ZNF385D: variants seen among roughly 807,000 people sequenced by gnomAD.
ZNF385D encodes zinc finger protein 385D, also known as zinc finger protein 659.
Under a neutral mutation model 35.8 loss-of-function variants are expected in ZNF385D, and 15 were observed. The ratio of observed to expected loss-of-function variants is 0.42; its 90% CI spans 0.28 to 0.64. The LOEUF is 0.64. Among genes scored for constraint, ZNF385D ranks in the 30% least tolerant of loss-of-function variants. ZNF385D has a pLI of 0.23. For synonymous variants in ZNF385D, 212 were observed against 186.8 expected, an observed-to-expected ratio of 1.13 and a Z score of -1.10; for missense variants, 474 against 494.6, an observed-to-expected ratio of 0.96 and a Z score of 0.39.
chr3:22,175,779 T>C (rs1005883382), intron 2 of ZNF385D, among the ~76,000 whole-genome samples: 3 of 151,406 alleles, frequency 2.0e-5, no homozygotes, highest in South Asian at 2.1e-4. Flanking sequence ...ATAATGTATA[T>C]AGATTTTATG....
chr3:21,565,427 G>A (rs1021599815), intron 2 of ZNF385D, among the ~76,000 whole-genome samples: 2 of 152,090 alleles, frequency 1.3e-5, no homozygotes, highest in African/African-American at 4.8e-5. Context: ...TGCTCTGGCT[G>A]GAGTGCAGTG....
At chr3:22,039,252 A>G (rs1341720581) in intron 3 of ZNF385D, among the ~76,000 whole-genome samples, 1 of 106,034 alleles carries the variant, frequency 9.4e-6, no homozygotes, top group Non-Finnish European at 2.0e-5. Flanking sequence ...CTATAATCCA[A>G]GCCAAAAAAA....
rs564864547 is a variant in ZNF385D, at chr3:21,995,265, G to A, written c.325+173552C>T. On this transcript the variant is annotated intron_variant, in intron 3 of 5. Coordinates refer to the ZNF385D transcript ENST00000494108. Reference sequence around the variant, plus strand: ...TGTGTCAGGGTGGCCAAGAAGGCATGCATAGGTGCCAGTGGCAAAAGGCCA... The same window carrying A: ...TGTGTCAGGGTGGCCAAGAAGGCATACATAGGTGCCAGTGGCAAAAGGCCA... Among the ~76,000 whole-genome samples, 4 of 152,318 alleles carry A rather than the reference G, an allele frequency of 2.6e-5. No homozygotes were observed. In the South Asian group the frequency reaches 8.3e-4, roughly 32 times the overall value.
intron 3 of ZNF385D, among the ~76,000 whole-genome samples, chr3:21,811,260 C>T (rs563015305): frequency 2.6e-5 from 4 of 152,074 alleles, no homozygotes; most frequent in East Asian, 1.9e-4. Flanking sequence ...ACACCCTGAT[C>T]GCTCAAAATA....
chr3:22,102,508 A>T (rs1008940397), intron 3 of ZNF385D, among the ~76,000 whole-genome samples: 2 of 152,008 alleles, frequency 1.3e-5, no homozygotes, highest in African/African-American at 2.4e-5. Context: ...TTAACTCAAG[A>T]TTTAATCTAA....
intron 2 of ZNF385D, among the ~76,000 whole-genome samples, chr3:22,231,166 A>T (rs572733284): frequency 2.0e-5 from 3 of 152,182 alleles, no homozygotes; most frequent in African/African-American, 7.2e-5. Flanking sequence ...ATAGCCAAAA[A>T]GTGCAATTGT....
At chr3:22,301,189 A>G (rs1702881227) in intron 2 of ZNF385D, among the ~76,000 whole-genome samples, 1 of 152,106 alleles carries the variant, frequency 6.6e-6, no homozygotes, top group Non-Finnish European at 1.5e-5. Flanking sequence ...ACTGAAAGAC[A>G]ACTACTGCAT....
At chr3:22,107,042 T>TTTTTTTTTTTA (rs10688533) in intron 3 of ZNF385D, among the ~76,000 whole-genome samples, 6 of 149,388 alleles carry the variant, frequency 4.0e-5, no homozygotes, top group African/African-American at 1.2e-4. Flanking sequence ...TTTTTTTTTT[T>TTTTTTTTTTTA]AGACAGAGTT....
rs1250892679 is a variant in ZNF385D at position 21,510,972 on chromosome 3, C to T, written c.328G>A (p.Ala110Thr). The stretch of plus-strand genomic sequence containing the variant: ...TGCTTATTTTTCATGGCTTCCAGTG[C>T]TTTGAGCTTCTTGGCATGTTTCGTG... ...KGTKHAKKLK[A>T]LEAMKNKQKS... Residue 110 changes from alanine (A) to threonine (T), a missense_variant, in exon 4 of 8, where the codon GCA (alanine) becomes ACA (threonine). By Grantham distance (58) the Ala-to-Thr change is moderately conservative. Coordinates refer to ENST00000281523, the MANE Select transcript of ZNF385D (RefSeq NM_024697.3). 2 of 1,613,998 alleles carry T rather than the reference C, an allele frequency of 1.2e-6. No homozygotes were observed. The highest frequency in any genetic ancestry group is 2.2e-5 in the East Asian group (1 of 44,890).
chr3:22,000,731 G>A (rs1407550493), intron 3 of ZNF385D, among the ~76,000 whole-genome samples: 1 of 149,578 alleles, frequency 6.7e-6, no homozygotes, highest in Non-Finnish European at 1.5e-5. Context: ...GGCCAGGAGA[G>A]AATGGGATAA....
At chr3:22,309,966 A>G (rs1379818748) in intron 2 of ZNF385D, among the ~76,000 whole-genome samples, 1 of 152,030 alleles carries the variant, frequency 6.6e-6, no homozygotes, top group Non-Finnish European at 1.5e-5. Context: ...AAAGCCATGG[A>G]GGCTTGATGA....
At chr3:21,428,029 G>C (rs1701099823) in intron 5 of ZNF385D, among the ~76,000 whole-genome samples, 1 of 152,030 alleles carries the variant, frequency 6.6e-6, no homozygotes, top group South Asian at 2.1e-4. Flanking sequence ...CATACATTTA[G>C]TAAGATATTG....
chr3:21,980,892 G>T (rs1181436673), intron 3 of ZNF385D, among the ~76,000 whole-genome samples: 1 of 152,078 alleles, frequency 6.6e-6, no homozygotes, highest in African/African-American at 2.4e-5. Flanking sequence ...CAAAAGAGAT[G>T]ATCTAATTCT....
intron 2 of ZNF385D, among the ~76,000 whole-genome samples, chr3:22,347,557 A>G (rs1379730427): frequency 1.3e-5 from 2 of 152,214 alleles, no homozygotes; most frequent in Non-Finnish European, 2.9e-5. Context: ...AACTTAGATC[A>G]TTTGATGCTC....
At chr3:21,729,200 T>C (rs2068890899) in intron 1 of ZNF385D, among the ~76,000 whole-genome samples, 1 of 152,114 alleles carries the variant, frequency 6.6e-6, no homozygotes, top group South Asian at 2.1e-4. Context: ...AAAATCAAAG[T>C]TACAAGGATT....
intron 3 of ZNF385D, among the ~76,000 whole-genome samples, chr3:22,156,536 C>T (rs1425637331): frequency 6.6e-6 from 1 of 152,062 alleles, no homozygotes; most frequent in Admixed American, 6.6e-5. Context: ...TAAAACATCG[C>T]TGAAAATATA....
intron 3 of ZNF385D, among the ~76,000 whole-genome samples, chr3:22,000,900 G>A (rs866465643): frequency 8.0e-6 from 1 of 124,970 alleles, no homozygotes; most frequent in East Asian, 2.0e-4. Flanking sequence ...AATATTTAAG[G>A]GAGTTTTTTT....
At chr3:21,993,449 T>C (rs1018313835) in intron 3 of ZNF385D, among the ~76,000 whole-genome samples, 1 of 152,236 alleles carries the variant, frequency 6.6e-6, no homozygotes, top group Non-Finnish European at 1.5e-5. Flanking sequence ...AATAATCTTA[T>C]GATTATTCAA....
At chr3:22,097,632 C>T (rs74850337) in intron 3 of ZNF385D, among the ~76,000 whole-genome samples, 4 of 151,896 alleles carry the variant, frequency 2.6e-5, no homozygotes, top group Admixed American at 6.6e-5. Flanking sequence ...AGGATCTACC[C>T]CAGGGAAGAA....
Sources: gnomAD v4.1 joint callset for allele counts (sites outside exome capture counted in the v4.1 genomes callset) on GRCh38, gnomAD v4.1.1 for gene constraint, MANE v1.5 for transcripts, NCBI Gene and HGNC (gene_info 2026-07-23, HGNC 2026-07-21) for gene names.